Variants in ABCC5 observed in about 807,000 individuals in gnomAD.
The protein encoded by ABCC5 is ATP binding cassette subfamily C member 5, also known as ATP-binding cassette sub-family C member 5.
Under a neutral mutation model 160.9 loss-of-function variants are expected in ABCC5, and 61 were observed. That is an observed-to-expected ratio of 0.38 (90% CI 0.31 to 0.47). ABCC5 has a LOEUF of 0.47. Ranked by LOEUF, ABCC5 falls within the 20% of genes least tolerant of loss-of-function variation. ABCC5 has a pLI of 0.99. For missense variants in ABCC5, 1,308 were observed against 1,813.3 expected (o/e 0.72, Z 5.06); for synonymous variants, 666 against 700.6 (o/e 0.95, Z 0.78).
At chr3:184,007,850 A>G (rs1040181242) in intron 2 of ABCC5, among the ~76,000 whole-genome samples, 7 of 152,166 alleles carry the variant, frequency 4.6e-5, no homozygotes, top group African/African-American at 1.7e-4. Context: ...AAAAAACAAA[A>G]AAACCCCACA....
chr3:183,961,126 A>G (rs1398245770), intron 16 of ABCC5, among the ~76,000 whole-genome samples: 1 of 152,062 alleles, frequency 6.6e-6, no homozygotes, highest in African/African-American at 2.4e-5. Context: ...TAATTTCCCT[A>G]CCTTGGCACT....
intron 2 of ABCC5, among the ~76,000 whole-genome samples, chr3:184,010,269 A>G (rs1349083365): frequency 2.5e-5 from 3 of 122,200 alleles, no homozygotes; most frequent in Non-Finnish European, 5.1e-5. Context: ...TTCGTCTCAA[A>G]AAAAAAAAAA....
In ABCC5 at chr3:183,988,507, A is replaced by G. The variant is rs1719426051; in HGVS notation, c.443+65T>C. 23 of 1,542,534 alleles carry G rather than the reference A, an allele frequency of 1.5e-5. No homozygotes were observed. In the South Asian group the frequency reaches 2.9e-4, roughly 20 times the overall value. Reference sequence around the variant, plus strand: ...TTAAAGACACAGAGCTGTGGACTTCACACTCCTAGCTCAGGCCCTGCCCAC... The same window carrying G: ...TTAAAGACACAGAGCTGTGGACTTCGCACTCCTAGCTCAGGCCCTGCCCAC... On this transcript the variant is annotated intron_variant, in intron 4 of 29. Coordinates refer to ENST00000334444, the MANE Select transcript of ABCC5 (RefSeq NM_005688.4). The surrounding 1 kb of genome is among the most constrained non-coding windows in gnomAD (Gnocchi z 4.4).
At chr3:183,984,211 C>T in intron 5 of ABCC5, 1 of 985,614 alleles carries the variant, frequency 1.0e-6, no homozygotes, top group Non-Finnish European at 1.2e-6. Flanking sequence ...ATAAAAAATC[C>T]TAGGCCTCAA....
chr3:183,927,555 G>C (rs1712708529), intron 27 of ABCC5, 112 bp from the exon 28 acceptor site: 1 of 1,468,384 alleles, frequency 6.8e-7, no homozygotes, highest in Non-Finnish European at 9.1e-7. Context: ...TATTAGCCAA[G>C]AACCTGTCTC....
chr3:183,989,299 G>A lies in ABCC5; in HGVS notation c.214C>T (p.Leu72=). ...DASMHSQLRI[L]DEEHPKGKYH... is the part of the protein sequence containing the mutation. Reference sequence around the variant, plus strand: ...TTTCCCTTGGGATGCTCCTCATCCAGGATTCTGAGCTGAGAATGCATGGAG... The same window carrying A: ...TTTCCCTTGGGATGCTCCTCATCCAAGATTCTGAGCTGAGAATGCATGGAG... The change falls in exon 3 of 30, where the codon CTG becomes TTG. Residue 72 remains leucine, a synonymous_variant. Coordinates refer to ENST00000334444, the MANE Select transcript of ABCC5 (RefSeq NM_005688.4). The A allele has an allele frequency of 1.2e-6, 2 of 1,614,130 alleles. No individual in the cohort carries two copies. The highest frequency in any genetic ancestry group is 1.7e-6 in the Non-Finnish European group (2 of 1,180,020).
chr3:184,014,598 G>A (rs1330547423), intron 1 of ABCC5, among the ~76,000 whole-genome samples, 151 bp from the exon 2 acceptor site: 1 of 147,456 alleles, frequency 6.8e-6, no homozygotes, highest in African/African-American at 2.5e-5. Context: ...TTCAAAAAAA[G>A]TTCAAAGATT....
rs1307487493 is a variant in ABCC5, at chr3:183,947,217, G to A, written c.3414+107C>T. On this transcript the variant is annotated intron_variant, in intron 23 of 29. Coordinates refer to ENST00000334444, the MANE Select transcript of ABCC5 (RefSeq NM_005688.4). The stretch of plus-strand genomic sequence containing the variant: ...CCATGAGCAATTCTAGGGGTCCAGA[G>A]GTGAAATAATGGCTCAGGGTGGAGC... The A allele has an allele frequency of 4.1e-6, 5 of 1,219,466 alleles. No homozygotes were observed. In the East Asian group the frequency reaches 1.1e-4, roughly 26 times the overall value. The allele number at this position is 1,219,466 out of a possible 1,614,324, so 75.5% of individuals were successfully genotyped here. A position where few individuals can be genotyped will look rare whatever the true frequency, so the allele number is the denominator to read the frequency against.
intron 12 of ABCC5, among the ~76,000 whole-genome samples, chr3:183,965,942 GA>G (rs941104111): frequency 4.7e-5 from 7 of 150,152 alleles, no homozygotes; most frequent in Non-Finnish European, 5.9e-5. Context: ...AGGACCAAGG[GA>G]AAAAAAAAGT....
At chr3:183,998,828 G>A (rs1576926084) in intron 2 of ABCC5, among the ~76,000 whole-genome samples, 2 of 151,998 alleles carry the variant, frequency 1.3e-5, no homozygotes, top group African/African-American at 2.4e-5. Context: ...AGTGGCTCAC[G>A]CCTGTAATCC....
At chr3:183,930,453 C>G (rs565207965) in intron 26 of ABCC5, among the ~76,000 whole-genome samples, 1 of 152,312 alleles carries the variant, frequency 6.6e-6, no homozygotes, top group African/African-American at 2.4e-5. Context: ...TGTGTCTCCC[C>G]AAAAGACACC....
intron 26 of ABCC5, among the ~76,000 whole-genome samples, chr3:183,931,118 G>A (rs1713137420): frequency 6.6e-6 from 1 of 152,140 alleles, no homozygotes; most frequent in African/African-American, 2.4e-5. Context: ...ACAATATGCT[G>A]TAATGAACAT....
At chr3:183,933,227 G>A (rs868470248) in intron 26 of ABCC5, among the ~76,000 whole-genome samples, 2 of 149,034 alleles carry the variant, frequency 1.3e-5, no homozygotes, top group Non-Finnish European at 3.0e-5. Flanking sequence ...ACCTGAAGAA[G>A]AAGAAATGAG....
At chr3:183,925,988 G>C (rs1168073234) in intron 28 of ABCC5, among the ~76,000 whole-genome samples, 1 of 150,580 alleles carries the variant, frequency 6.6e-6, no homozygotes, top group South Asian at 2.1e-4. Flanking sequence ...ACAGGCGCCC[G>C]CCACCACGCC....
chr3:183,950,042 C>T lies in ABCC5; in HGVS notation c.3028G>A (p.Val1010Ile). The stretch of plus-strand genomic sequence containing the variant: ...ACTGCCACAAGGAACCACGGGAAGA[C>T]TCCTGCGATCATTCCCACACAGAAG... ...VFFCVGMIAG[V>I]FPWFLVAVGP... Residue 1010 changes from valine to isoleucine, a missense_variant, in exon 21 of 30, where the codon GTC (valine) becomes ATC (isoleucine). Val to Ile is a conservative substitution (Grantham distance 29). Coordinates refer to ENST00000334444, the MANE Select transcript of ABCC5 (RefSeq NM_005688.4). 8 of 1,614,126 alleles carry T rather than the reference C, an allele frequency of 5.0e-6. No homozygotes were observed. The highest frequency in any genetic ancestry group is 5.1e-6 in the Non-Finnish European group (6 of 1,180,032).
chr3:184,002,424 AAAC>A (rs973020423), intron 2 of ABCC5, among the ~76,000 whole-genome samples: 2 of 152,112 alleles, frequency 1.3e-5, no homozygotes, highest in African/African-American at 4.8e-5. Flanking sequence ...AGAAAAACAA[AAAC>A]AACAATAACA....
chr3:183,967,790 G>A (rs1377237081), intron 11 of ABCC5, 24 bp from the exon 12 acceptor site: 5 of 1,582,866 alleles, frequency 3.2e-6, no homozygotes, highest in Admixed American at 1.7e-5. Context: ...ACAGAGAGGA[G>A]GGTCATTTAG....
chr3:183,998,927 T>C (rs1043122931), intron 2 of ABCC5, among the ~76,000 whole-genome samples: 1 of 151,710 alleles, frequency 6.6e-6, no homozygotes, highest in Admixed American at 6.6e-5. Context: ...TCATCTCTAC[T>C]AAAAATACAA....
intron 22 of ABCC5, among the ~76,000 whole-genome samples, chr3:183,948,156 C>T (rs1033350706): frequency 4.2e-4 from 64 of 152,210 alleles, no homozygotes; most frequent in African/African-American, 1.4e-3. Context: ...GCACCATGTA[C>T]GACTAGAACT....
Sources: allele counts gnomAD v4.1 joint callset (sites outside exome capture counted in the v4.1 genomes callset), GRCh38; gene constraint gnomAD v4.1.1; non-coding constraint Gnocchi (gnomAD v3.1); transcripts MANE v1.5; gene names NCBI Gene and HGNC (gene_info 2026-07-23, HGNC 2026-07-21).